RALYL: variants seen among roughly 807,000 people sequenced by gnomAD.
The protein encoded by RALYL is RALY RNA binding protein like.
In RALYL, 29 loss-of-function variants were observed where a neutral mutation model predicts 35.1. The observed-to-expected ratio is 0.83, with a 90% CI of 0.61 to 1.13. The LOEUF is 1.13. RALYL is among the 50% of genes most tolerant of loss of function. The pLI is 0.00. For missense variants in RALYL, 359 were observed against 360.4 expected, an observed-to-expected ratio of 1.00 and a Z score of 0.03; for synonymous variants, 120 against 127.6, an observed-to-expected ratio of 0.94 and a Z score of 0.40.
chr8:84,708,308 C>T (rs1407712451), intron 2 of RALYL, among the ~76,000 whole-genome samples: 1 of 151,994 alleles, frequency 6.6e-6, no homozygotes, highest in Non-Finnish European at 1.5e-5. Context: ...TCATTCTCTA[C>T]TCATATTGAG....
chr8:84,633,661 A>C (rs1430073665), intron 2 of RALYL, among the ~76,000 whole-genome samples: 1 of 151,898 alleles, frequency 6.6e-6, no homozygotes, highest in African/African-American at 2.4e-5. Flanking sequence ...CTAAAGATTA[A>C]ATTACATATG....
chr8:84,819,932 C>A (rs1828153489), intron 4 of RALYL, among the ~76,000 whole-genome samples: 1 of 152,114 alleles, frequency 6.6e-6, no homozygotes, highest in East Asian at 1.9e-4. Flanking sequence ...CAATTCATAT[C>A]AGTTTTACTT....
chr8:84,460,667 A>G (rs2050664738), intron 1 of RALYL, among the ~76,000 whole-genome samples: 2 of 151,776 alleles, frequency 1.3e-5, no homozygotes, highest in South Asian at 2.1e-4. Context: ...ATATGAAAAT[A>G]ATATAACTAG....
chr8:84,475,206 C>T (rs1344061380), intron 1 of RALYL, among the ~76,000 whole-genome samples: 1 of 151,942 alleles, frequency 6.6e-6, no homozygotes, highest in Non-Finnish European at 1.5e-5. Context: ...TGATGGTTTC[C>T]AGCTTCATCC....
intron 1 of RALYL, among the ~76,000 whole-genome samples, chr8:84,403,953 A>C (rs2043197913): frequency 6.6e-6 from 1 of 152,150 alleles, no homozygotes; most frequent in South Asian, 2.1e-4. Flanking sequence ...TGTGAATGGG[A>C]GTTCACTCAT....
intron 1 of RALYL, among the ~76,000 whole-genome samples, chr8:84,434,222 C>G (rs1336088209): frequency 6.6e-6 from 1 of 152,010 alleles, no homozygotes; most frequent in Admixed American, 6.6e-5. Context: ...TAAAAGAACA[C>G]TAGTCATATT....
chr8:84,622,453 A>T (rs547417425), intron 2 of RALYL, among the ~76,000 whole-genome samples: 5 of 152,214 alleles, frequency 3.3e-5, no homozygotes, highest in African/African-American at 1.2e-4. Context: ...TTGGAATCTT[A>T]TCTGAGCCAC....
Position 84,895,743 on chromosome 8 carries a change from A to G in RALYL, c.858+7967A>G, listed in dbSNP as rs993682224. 4.6e-5 allele frequency among the ~76,000 whole-genome samples: 7 copies of G among 152,160 alleles called. No individual in the cohort carries two copies. In the South Asian group the frequency reaches 6.2e-4, roughly 14 times the overall value. ...GCCAGAGTGGTCTCTAACTCCTGAC[A>G]TCAGGTGATCCGCCCACCTCGGCCT... On this transcript the variant is annotated intron_variant, in intron 8 of 8. Coordinates refer to ENST00000521268, the MANE Select transcript of RALYL (RefSeq NM_173848.7).
intron 2 of RALYL, among the ~76,000 whole-genome samples, chr8:84,687,445 G>A (rs562296371): frequency 1.3e-5 from 2 of 152,160 alleles, no homozygotes; most frequent in South Asian, 4.1e-4. Context: ...AACTGATTAG[G>A]TTAATTGATT....
chr8:84,883,271 C>T (rs1217413691), intron 7 of RALYL, among the ~76,000 whole-genome samples: 1 of 151,814 alleles, frequency 6.6e-6, no homozygotes, highest in Non-Finnish European at 1.5e-5. Flanking sequence ...TGAAATACAT[C>T]GTCAGAATCA....
At chr8:84,464,283 C>A (rs533375546) in intron 1 of RALYL, among the ~76,000 whole-genome samples, 2 of 152,012 alleles carry the variant, frequency 1.3e-5, no homozygotes, top group South Asian at 4.2e-4. Context: ...CAATGCTATC[C>A]CTCCCCCGTA....
At chr8:84,345,102 T>C (rs933375732) in intron 1 of RALYL, among the ~76,000 whole-genome samples, 3 of 151,134 alleles carry the variant, frequency 2.0e-5, no homozygotes, top group African/African-American at 7.3e-5. Context: ...TCTTTCTCTT[T>C]TTTTTTTTTT....
chr8:84,305,838 A>T (rs574575711), intron 1 of RALYL, among the ~76,000 whole-genome samples: 1 of 152,294 alleles, frequency 6.6e-6, no homozygotes, highest in Admixed American at 6.5e-5. Flanking sequence ...ATGAACTATT[A>T]ATGTAAATGA....
intron 2 of RALYL, among the ~76,000 whole-genome samples, chr8:84,595,348 A>C (rs1814249503): frequency 6.6e-6 from 1 of 152,174 alleles, no homozygotes; most frequent in Non-Finnish European, 1.5e-5. Context: ...AGTGGTCCCT[A>C]CAGTTAATTG....
intron 2 of RALYL, among the ~76,000 whole-genome samples, chr8:84,712,017 A>G (rs7827497): frequency 0.022 from 3,404 of 152,234 alleles, 123 homozygotes; most frequent in African/African-American, 0.076. Flanking sequence ...TTATACCAGA[A>G]AAAACAAACT....
intron 8 of RALYL, among the ~76,000 whole-genome samples, chr8:84,911,694 A>C (rs1847539870): frequency 1.3e-5 from 2 of 152,084 alleles, no homozygotes; most frequent in Admixed American, 1.3e-4. Flanking sequence ...CATTTCATGT[A>C]CCAGTGCAAG....
At chr8:84,451,750 T>A (rs2049500298) in intron 1 of RALYL, among the ~76,000 whole-genome samples, 1 of 151,998 alleles carries the variant, frequency 6.6e-6, no homozygotes, top group Non-Finnish European at 1.5e-5. Context: ...TGCTTTAAAA[T>A]TAATAAGGGG....
chr8:84,789,595 C>T (rs1820325060), intron 3 of RALYL, among the ~76,000 whole-genome samples: 1 of 152,044 alleles, frequency 6.6e-6, no homozygotes, highest in East Asian at 1.9e-4. Context: ...CGGTGGTTCA[C>T]ACCTATAATC....
intron 1 of RALYL, among the ~76,000 whole-genome samples, chr8:84,328,944 G>A (rs1044236794): frequency 2.6e-5 from 4 of 152,180 alleles, no homozygotes; most frequent in Admixed American, 6.6e-5. Context: ...GATTTCATTC[G>A]TTTTAAGGTT....
Sources: allele counts gnomAD v4.1 joint callset (sites outside exome capture counted in the v4.1 genomes callset), GRCh38; gene constraint gnomAD v4.1.1; transcripts MANE v1.5; gene names NCBI Gene and HGNC (gene_info 2026-07-23, HGNC 2026-07-21).